Variants in AMOTL2 observed in about 807,000 individuals in gnomAD.
AMOTL2 encodes angiomotin-like protein 2.
A neutral mutation model predicts 78.4 loss-of-function variants in AMOTL2; 33 were observed. That is an observed-to-expected ratio of 0.42 (90% CI 0.32 to 0.56). The LOEUF is 0.56. AMOTL2 is among the 20% of genes least tolerant of loss of function. The probability of loss-of-function intolerance (pLI) is 0.12; values close to 1 mark genes in which losing one functional copy is unlikely to be tolerated. For synonymous variants in AMOTL2, 422 were observed against 428.8 expected (o/e 0.98, Z 0.20); for missense variants, 983 against 1,030.1 (o/e 0.95, Z 0.63).
Position 134,361,719 on chromosome 3 carries a change from C to T in AMOTL2, c.1368G>A (p.Glu456=). 1 of 1,608,610 alleles carries T rather than the reference C, an allele frequency of 6.2e-7. No individual in the cohort carries two copies. The highest frequency in any genetic ancestry group is 8.5e-7 in the Non-Finnish European group (1 of 1,178,030). ...CATTGCCCAGAGCCTGCTCCAGCAG[C>T]TCGGCACGCCGCCGCTGGTCCTCGA... The part of the protein sequence containing the change: ...GAIEDQRRRA[E]LLEQALGNAQ... The change falls in exon 6 of 10, where the codon GAG becomes GAA. Residue 456 remains glutamate (E), a synonymous_variant. Coordinates refer to ENST00000249883, the MANE Select transcript of AMOTL2 (RefSeq NM_016201.4).
chr3:134,374,919 G>T, upstream of AMOTL2: 1 of 1,244,192 alleles, frequency 8.0e-7, no homozygotes, highest in Non-Finnish European at 1.0e-6. Context: ...GTGTGTGTGT[G>T]TGTGTGTGCG....
chr3:134,373,744 C>T, intron 1 of AMOTL2: 1 of 985,422 alleles, frequency 1.0e-6, no homozygotes, highest in Non-Finnish European at 1.2e-6. Flanking sequence ...AGCCCGAGGC[C>T]CGGAGAGGTC....
Position 134,374,393 on chromosome 3 carries a change from G to T in AMOTL2, c.-113C>A. The stretch of plus-strand genomic sequence containing the variant: ...AGTCAGACACCACAACCTCCGGCTC[G>T]GCCCAGCTCAGCTCGGCGGCGAAGA... On this transcript the variant is annotated 5_prime_UTR_variant, in exon 1 of 10. Transcript: ENST00000249883. 4 of 985,138 alleles carry T rather than the reference G, an allele frequency of 4.1e-6. No homozygotes were observed. The highest frequency in any genetic ancestry group is 4.8e-6 in the Non-Finnish European group (4 of 829,878). The allele number at this position is 985,138 out of a possible 1,614,324, so 61.0% of individuals were successfully genotyped here. A position where few individuals can be genotyped will look rare whatever the true frequency, so the allele number is the denominator to read the frequency against.
Position 134,360,113 on chromosome 3 carries a change from C to T in AMOTL2, c.1876G>A (p.Glu626Lys). Reference sequence around the variant, plus strand: ...TGGCCTGCAATGCCGAACCTGCTTTCCATCTCCTGATGCCTGTGGCCACCA... The same window carrying T: ...TGGCCTGCAATGCCGAACCTGCTTTTCATCTCCTGATGCCTGTGGCCACCA... ...LTGGHRHQEM[E>K]SRLKVLHAQI... Residue 626 changes from glutamate to lysine, a missense_variant, in exon 7 of 10, where the codon GAA becomes AAA. Coordinates refer to ENST00000249883, the MANE Select transcript of AMOTL2 (RefSeq NM_016201.4). 2 of 1,602,818 alleles carry T rather than the reference C, an allele frequency of 1.2e-6. No homozygotes were observed. The highest frequency in any genetic ancestry group is 1.7e-6 in the Non-Finnish European group (2 of 1,170,670).
At chr3:134,366,158 G>A in intron 4 of AMOTL2, 125 bp downstream of exon 4, 1 of 1,355,530 alleles carries the variant, frequency 7.4e-7, no homozygotes. Context: ...AGGGGTCTCA[G>A]CCTGGCTCTC....
intron 2 of AMOTL2, among the ~76,000 whole-genome samples, chr3:134,369,824 G>C: frequency 6.6e-6 from 1 of 152,202 alleles, no homozygotes; most frequent in East Asian, 1.9e-4. Flanking sequence ...GGCTGTGTCT[G>C]CTTCTCTGGA....
In AMOTL2 at chr3:134,360,139, G is replaced by C; in HGVS notation, c.1850C>G (p.Thr617Ser). The C allele has an allele frequency of 5.6e-6, 9 of 1,612,512 alleles. 1 individual carries two copies. The highest frequency in any genetic ancestry group is 7.6e-6 in the Non-Finnish European group (9 of 1,178,706). The change falls in exon 7 of 10, where the codon ACT becomes AGT. Residue 617 changes from threonine to serine, a missense_variant. Transcript: ENST00000249883. ...PSSSFNEGLL[T>S]GGHRHQEMES... ...CATCTCCTGATGCCTGTGGCCACCAGTGAGCAGACCCTCATTGAAGCTGCT... is the reference window on the plus strand; with the variant it reads ...CATCTCCTGATGCCTGTGGCCACCACTGAGCAGACCCTCATTGAAGCTGCT...
At chr3:134,369,818 G>A (rs1332560539) in intron 2 of AMOTL2, among the ~76,000 whole-genome samples, 1 of 152,228 alleles carries the variant, frequency 6.6e-6, no homozygotes, top group African/African-American at 2.4e-5. Context: ...AGTGATGGCT[G>A]TGTCTGCTTC....
chr3:134,373,823 C>T (rs916143964), intron 1 of AMOTL2: 4 of 985,366 alleles, frequency 4.1e-6, no homozygotes, highest in Non-Finnish European at 4.8e-6. Context: ...CTAACGCTGA[C>T]GTCACCGGGC....
intron 5 of AMOTL2, among the ~76,000 whole-genome samples, chr3:134,363,893 G>A (rs187854734): frequency 1.9e-4 from 29 of 152,368 alleles, no homozygotes; most frequent in Non-Finnish European, 3.2e-4. Flanking sequence ...CAACCTCTAA[G>A]GCCCTGGTGG....
rs781335285 is a variant in AMOTL2 at position 134,360,350 on chromosome 3, G to A, written c.1639C>T (p.Arg547Ter). Residue 547 changes from arginine to a stop codon, truncating the protein, a stop_gained, in exon 7 of 10, where the codon CGA (arginine) becomes TGA (stop). Coordinates refer to ENST00000249883, the MANE Select transcript of AMOTL2 (RefSeq NM_016201.4). LOFTEE classifies it high-confidence loss of function. ...TTCTCTCGCAGTTGTTCTGACAGTC[G>A]CAGGGCGCTGAGCTCTGGAGACCCA... The part of the protein sequence containing the change: ...SGGSPELSAL[R>*]LSEQLREKEE... 4.3e-6 allele frequency: 7 copies of A among 1,614,064 alleles called. No homozygotes were observed. Among genetic ancestry groups the A allele is most frequent in the Non-Finnish European group, 4.2e-6 (5 of 1,180,028 alleles).
chr3:134,366,998 C>G (rs900269523), intron 3 of AMOTL2, among the ~76,000 whole-genome samples: 1 of 152,206 alleles, frequency 6.6e-6, no homozygotes, highest in African/African-American at 2.4e-5. Flanking sequence ...AGAGGGCCAG[C>G]TGGGCCCCGG....
At chr3:134,374,850 G>A, upstream of AMOTL2, 13 of 1,184,604 alleles carry the variant, frequency 1.1e-5, no homozygotes, top group Non-Finnish European at 1.4e-5. Context: ...CGGGACGACA[G>A]CAAGGGCTGT....
intron 7 of AMOTL2, 95 bp from the exon 8 acceptor site, chr3:134,359,598 C>T (rs542948667): frequency 1.1e-5 from 11 of 1,004,400 alleles, no homozygotes; most frequent in African/African-American, 3.2e-5. Context: ...AAAGCCCCCC[C>T]CAACTCCCCC....
chr3:134,364,713 C>T (rs2017532216), intron 5 of AMOTL2, among the ~76,000 whole-genome samples: 1 of 151,886 alleles, frequency 6.6e-6, no homozygotes. Flanking sequence ...AGGGGTGCTG[C>T]CAGCCAGAGC....
rs1213562094 is a variant in AMOTL2, at chr3:134,367,745, G to T, written c.793C>A (p.Leu265Met). ...FLQQQQQYQY[L>M]QQSQEHPPPP... ...GGGGGGTGCTCCTGAGATTGCTGCA[G>T]GTACTGGTACTGCTGCTGCTGTTGG... Residue 265 changes from leucine to methionine, a missense_variant, in exon 3 of 10, where the codon CTG becomes ATG. By Grantham distance (15) the Leu-to-Met change is conservative. Coordinates refer to ENST00000249883, the MANE Select transcript of AMOTL2 (RefSeq NM_016201.4). The T allele has an allele frequency of 5.6e-6, 9 of 1,613,822 alleles. No individual in the cohort carries two copies. In the South Asian group the frequency reaches 8.8e-5, roughly 16 times the overall value.
At chr3:134,358,515 C>G (rs766900457) in intron 9 of AMOTL2, 25 bp downstream of exon 9, 6 of 1,604,282 alleles carry the variant, frequency 3.7e-6, no homozygotes, top group Non-Finnish European at 5.1e-6. Flanking sequence ...CTACCTAGCA[C>G]AGAAGTGGGG....
chr3:134,374,942 G>T, upstream of AMOTL2: 1 of 1,294,788 alleles, frequency 7.7e-7, no homozygotes. Context: ...TGTGTGTACC[G>T]GGGGAGGTGG....
intron 6 of AMOTL2, 66 bp downstream of exon 6, chr3:134,361,446 C>A (rs2017357430): frequency 6.7e-7 from 1 of 1,485,254 alleles, no homozygotes; most frequent in East Asian, 2.5e-5. Flanking sequence ...AACCTACAGT[C>A]CCCGAGGAGG....
Sources: gnomAD v4.1 joint callset for allele counts (sites outside exome capture counted in the v4.1 genomes callset) on GRCh38, gnomAD v4.1.1 for gene constraint, MANE v1.5 for transcripts, NCBI Gene and HGNC (gene_info 2026-07-23, HGNC 2026-07-21) for gene names.